The following ATAD2B variants were observed in gnomAD, a reference collection of about 807,000 sequenced individuals.
The protein encoded by ATAD2B is ATPase family AAA domain-containing protein 2B.
Under a neutral mutation model 167.6 loss-of-function variants are expected in ATAD2B, and 40 were observed. The observed-to-expected ratio is 0.24, with a 90% CI of 0.19 to 0.31. The LOEUF is 0.31. ATAD2B is among the 10% of genes least tolerant of loss of function. The pLI, the probability that ATAD2B is intolerant of heterozygous loss-of-function variation, is 1.00. For synonymous variants in ATAD2B, 579 were observed against 596.5 expected, an observed-to-expected ratio of 0.97 and a Z score of 0.43; for missense variants, 1,242 against 1,757.2, an observed-to-expected ratio of 0.71 and a Z score of 5.24.
intron 1 of ATAD2B, among the ~76,000 whole-genome samples, chr2:23,908,459 A>G (rs1701799657): frequency 6.6e-6 from 1 of 152,228 alleles, no homozygotes; most frequent in Non-Finnish European, 1.5e-5. Context: ...ACCAGTTAGA[A>G]TGGCAATCAT....
intron 3 of ATAD2B, 149 bp downstream of exon 3, chr2:23,888,201 T>C (rs1202428500): frequency 1.7e-5 from 12 of 709,650 alleles, no homozygotes; most frequent in Admixed American, 1.4e-4. Flanking sequence ...GTTTAACAAT[T>C]ACATACTTTT....
chr2:23,725,910 C>T, the ATAD2B span, among the ~76,000 whole-genome samples: 1 of 152,134 alleles, frequency 6.6e-6, no homozygotes. Context: ...ACCTTGTGCA[C>T]TGTTCGTGGG....
chr2:23,896,581 A>G (rs1700184256), intron 1 of ATAD2B, among the ~76,000 whole-genome samples: 1 of 152,126 alleles, frequency 6.6e-6, no homozygotes, highest in Non-Finnish European at 1.5e-5. Flanking sequence ...AGACCCTCCT[A>G]AATACTCCAG....
the ATAD2B span, chr2:23,696,481 T>C: frequency 2.6e-6 from 4 of 1,543,106 alleles, no homozygotes; most frequent in Non-Finnish European, 3.5e-6. This position sits in a 1 kb window ranked among gnomAD's most constrained non-coding sequence, Gnocchi z 5.5. Context: ...TCGGGGGACT[T>C]GGCGTGGCAG....
intron 17 of ATAD2B, among the ~76,000 whole-genome samples, chr2:23,813,278 A>G (rs893685306): frequency 1.4e-5 from 2 of 146,214 alleles, no homozygotes; most frequent in East Asian, 2.0e-4. Context: ...AAATTATATG[A>G]ATTATAAAAT....
At chr2:23,785,936 CT>C in intron 21 of ATAD2B, 90 bp downstream of exon 21, 1 of 1,190,384 alleles carries the variant, frequency 8.4e-7, no homozygotes, top group African/African-American at 1.6e-5. Flanking sequence ...TCATCCATGC[CT>C]TTGCTTTTTT....
the ATAD2B span, among the ~76,000 whole-genome samples, chr2:23,724,422 AAAGT>A: frequency 6.6e-6 from 1 of 152,146 alleles, no homozygotes; most frequent in Non-Finnish European, 1.5e-5. Context: ...AATAAAAATA[AAAGT>A]AAAAAGAAAA....
chr2:23,899,595 T>TC (rs1700554271), intron 1 of ATAD2B, among the ~76,000 whole-genome samples: 1 of 152,082 alleles, frequency 6.6e-6, no homozygotes, highest in Non-Finnish European at 1.5e-5. Context: ...TTCATTTTTT[T>TC]CTTTTTTTTC....
intron 1 of ATAD2B, among the ~76,000 whole-genome samples, chr2:23,919,927 G>C (rs1037426820): frequency 4.6e-5 from 7 of 151,470 alleles, no homozygotes; most frequent in African/African-American, 1.7e-4. Context: ...GAGGCAGGCA[G>C]ATCACCTGAG....
the ATAD2B span, among the ~76,000 whole-genome samples, chr2:23,724,405 AAAT>A: frequency 6.6e-6 from 1 of 152,180 alleles, no homozygotes; most frequent in Non-Finnish European, 1.5e-5. Flanking sequence ...GTCAATTAAA[AAAT>A]AATAATAAAA....
At chr2:23,681,756 G>A in the ATAD2B span, among the ~76,000 whole-genome samples, 1 of 152,152 alleles carries the variant, frequency 6.6e-6, no homozygotes, top group African/African-American at 2.4e-5. This position sits in a 1 kb window ranked among gnomAD's most constrained non-coding sequence, Gnocchi z 4.2. Flanking sequence ...TCCCAGCCCA[G>A]AATTCTGTCC....
intron 13 of ATAD2B, among the ~76,000 whole-genome samples, chr2:23,847,945 A>AC: frequency 6.7e-6 from 1 of 149,858 alleles, no homozygotes; most frequent in South Asian, 2.1e-4. Context: ...GTGAGCCGAG[A>AC]TCGCACCACT....
intron 13 of ATAD2B, among the ~76,000 whole-genome samples, chr2:23,850,138 C>CA (rs751139594): frequency 0.015 from 889 of 57,540 alleles, 7 homozygotes; most frequent in Middle Eastern, 0.057. Flanking sequence ...GACTCCGTCT[C>CA]AAAAAAAAAA....
At chr2:23,769,175 T>C (rs945291950) in intron 22 of ATAD2B, among the ~76,000 whole-genome samples, 25 of 152,148 alleles carry the variant, frequency 1.6e-4, no homozygotes, top group Non-Finnish European at 4.4e-5. Context: ...GCACGGGGGC[T>C]CACGCCTGTA....
intron 2 of ATAD2B, among the ~76,000 whole-genome samples, chr2:23,891,083 C>T (rs1573290393): frequency 6.8e-6 from 1 of 147,190 alleles, no homozygotes. Flanking sequence ...TGCAGTGGTG[C>T]GATCTTGGCT....
At chr2:23,863,648 T>C in intron 11 of ATAD2B, 93 bp from the exon 12 acceptor site, 1 of 1,164,976 alleles carries the variant, frequency 8.6e-7, no homozygotes, top group Non-Finnish European at 1.2e-6. Context: ...CATATAATTT[T>C]GTATTGAAGT....
the ATAD2B span, among the ~76,000 whole-genome samples, chr2:23,734,077 T>C: frequency 6.6e-6 from 1 of 152,352 alleles, no homozygotes; most frequent in East Asian, 1.9e-4. Flanking sequence ...AAGCCTTCCA[T>C]GCATTACTAG....
intron 22 of ATAD2B, among the ~76,000 whole-genome samples, chr2:23,777,540 T>C (rs894494341): frequency 7.9e-5 from 12 of 152,102 alleles, no homozygotes; most frequent in Non-Finnish European, 1.5e-4. Context: ...CAGATAAATT[T>C]AGAAATGTAT....
the ATAD2B span, among the ~76,000 whole-genome samples, chr2:23,740,794 T>C: frequency 2.6e-5 from 4 of 152,216 alleles, no homozygotes; most frequent in Non-Finnish European, 5.9e-5. Context: ...ATTGTATATC[T>C]AGAAAACCCC....
Sources: allele counts gnomAD v4.1 joint callset (sites outside exome capture counted in the v4.1 genomes callset), GRCh38; gene constraint gnomAD v4.1.1; non-coding constraint Gnocchi (gnomAD v3.1); transcripts MANE v1.5; gene names NCBI Gene and HGNC (gene_info 2026-07-23, HGNC 2026-07-21).